The following USP47 variants were observed in gnomAD, a reference collection of about 807,000 sequenced individuals.
USP47 encodes ubiquitin specific peptidase 47, also known as ubiquitin carboxyl-terminal hydrolase 47.
USP47 carries 35 observed loss-of-function variants against 165.1 expected under a neutral mutation model. That is an observed-to-expected ratio of 0.21 (90% CI 0.16 to 0.28). The LOEUF is 0.28. Among genes scored for constraint, USP47 ranks in the 10% least tolerant of loss-of-function variants. The pLI is 1.00. For missense variants in USP47, 1,277 were observed against 1,607.4 expected (o/e 0.79, Z 3.52); for synonymous variants, 531 against 544.5 (o/e 0.98, Z 0.35).
chr11:11,921,633 TA>T (rs1162425030), intron 10 of USP47, among the ~76,000 whole-genome samples: 1 of 151,908 alleles, frequency 6.6e-6, no homozygotes, highest in African/African-American at 2.4e-5. Context: ...AGAGGAGACA[TA>T]ATCTTTGTAG....
At chr11:11,932,373 C>T (rs531794231) in intron 14 of USP47, among the ~76,000 whole-genome samples, 12 of 152,262 alleles carry the variant, frequency 7.9e-5, no homozygotes, top group African/African-American at 2.9e-4. Context: ...ATAATCATCA[C>T]TTTTTGTATT....
chr11:11,931,186 AAAAT>A (rs1854640642), intron 14 of USP47, among the ~76,000 whole-genome samples: 1 of 152,184 alleles, frequency 6.6e-6, no homozygotes, highest in African/African-American at 2.4e-5. Flanking sequence ...ATAATTAAAA[AAAAT>A]ATAATCACAA....
chr11:11,890,610 C>T (rs1210747063), intron 3 of USP47, among the ~76,000 whole-genome samples: 1 of 152,108 alleles, frequency 6.6e-6, no homozygotes, highest in Non-Finnish European at 1.5e-5. Flanking sequence ...GGTCATTCCT[C>T]AAAGACTTAG....
intron 11 of USP47, among the ~76,000 whole-genome samples, chr11:11,925,498 T>C (rs1302338569): frequency 6.6e-6 from 1 of 152,222 alleles, no homozygotes; most frequent in Non-Finnish European, 1.5e-5. Flanking sequence ...CTATTGTAAA[T>C]GGAATTGTTT....
chr11:11,897,491 A>T, intron 4 of USP47, 106 bp from the exon 5 acceptor site: 1 of 798,968 alleles, frequency 1.3e-6, no homozygotes, highest in Non-Finnish European at 2.0e-6. Flanking sequence ...CCAAATGAGT[A>T]GTAACTTTAA....
chr11:11,932,776 A>G (rs1390743829), intron 14 of USP47, among the ~76,000 whole-genome samples: 1 of 152,188 alleles, frequency 6.6e-6, no homozygotes, highest in African/African-American at 2.4e-5. Flanking sequence ...CATTTTGAAT[A>G]AATACATGGC....
rs2134304892 is a variant in USP47 at position 11,880,378 on chromosome 11, A to G, written c.241A>G (p.Met81Val). 3 of 1,308,186 alleles carry G rather than the reference A, an allele frequency of 2.3e-6. No individual in the cohort carries two copies. In the East Asian group the frequency reaches 9.2e-5, roughly 40 times the overall value. The allele number at this position is 1,308,186 out of a possible 1,614,324, so 81.0% of individuals were successfully genotyped here. The change falls in exon 2 of 28, where the codon ATG (methionine) becomes GTG (valine). Residue 81 changes from methionine to valine, a missense_variant and splice_region_variant. Around this residue, in one of 4 missense-constraint regions of USP47, gnomAD observed 181 missense variants for 194.7 expected, o/e 0.93. Coordinates refer to ENST00000527733, the MANE Select transcript of USP47 (RefSeq NM_001282659.2). ...VWGNGINTAD[M>V]APLDHTSDKS... The stretch of plus-strand genomic sequence containing the variant: ...GGGAAATGGAATCAATACTGCTGAT[A>G]TGGTAAAATCCTAGACTTAAGCTTC...
chr11:11,888,052 G>A (rs1158691464), intron 3 of USP47, among the ~76,000 whole-genome samples: 3 of 152,110 alleles, frequency 2.0e-5, no homozygotes, highest in Non-Finnish European at 4.4e-5. Flanking sequence ...TTTCTGGGAT[G>A]CAGCTAAAGC....
At chr11:11,946,955 G>T (rs61871870) in intron 20 of USP47, among the ~76,000 whole-genome samples, 2,547 of 152,282 alleles carry the variant, frequency 0.017, 33 homozygotes, top group Middle Eastern at 0.034. Context: ...TATGACATGG[G>T]AATGTTGGTT....
At chr11:11,880,858 A>G (rs541625164) in intron 2 of USP47, among the ~76,000 whole-genome samples, 18 of 152,196 alleles carry the variant, frequency 1.2e-4, no homozygotes, top group African/African-American at 3.8e-4. Context: ...TTGTGTGTCT[A>G]TGTGCATTTC....
chr11:11,880,112 G>T (rs1850733853), intron 1 of USP47, 65 bp from the exon 2 acceptor site: 2 of 1,103,012 alleles, frequency 1.8e-6, no homozygotes, highest in South Asian at 1.8e-5. Flanking sequence ...AAATTTTATA[G>T]CTAATTATAC....
chr11:11,940,321 CT>C, intron 18 of USP47, 107 bp from the exon 19 acceptor site: 1 of 1,157,494 alleles, frequency 8.6e-7, no homozygotes, highest in Non-Finnish European at 1.2e-6. Context: ...TTATGTTTCT[CT>C]CTGCTGCTTT....
chr11:11,872,411 G>A (rs1303451879), intron 1 of USP47, among the ~76,000 whole-genome samples: 1 of 152,140 alleles, frequency 6.6e-6, no homozygotes, highest in Non-Finnish European at 1.5e-5. Flanking sequence ...AAAGGGGACT[G>A]GAATTAGCCT....
intron 1 of USP47, among the ~76,000 whole-genome samples, chr11:11,876,425 T>G (rs1198132909): frequency 2.0e-5 from 3 of 152,096 alleles, no homozygotes; most frequent in Non-Finnish European, 4.4e-5. Context: ...TGCTCGAAGG[T>G]GTTTAGCTAT....
At chr11:11,933,253 A>C in intron 15 of USP47, 137 bp downstream of exon 15, 1 of 735,820 alleles carries the variant, frequency 1.4e-6, no homozygotes, top group Non-Finnish European at 2.3e-6. Flanking sequence ...AACCAACTAT[A>C]CTATAAAGGT....
At chr11:11,892,818 T>TAAA (rs778720093) in intron 4 of USP47, among the ~76,000 whole-genome samples, 23 of 80,128 alleles carry the variant, frequency 2.9e-4, no homozygotes, top group African/African-American at 9.9e-4. Flanking sequence ...CTGTCTCAAG[T>TAAA]AAAAAAAAAA....
chr11:11,922,361 A>G (rs1395202526), intron 10 of USP47, among the ~76,000 whole-genome samples: 1 of 151,948 alleles, frequency 6.6e-6, no homozygotes, highest in Middle Eastern at 3.2e-3. Flanking sequence ...CTGATTTGAG[A>G]ACACCAGAAG....
chr11:11,929,442 G>T lies in USP47; in HGVS notation c.1395G>T (p.Leu465Phe), dbSNP rs1266634840. 3 of 1,611,900 alleles carry T rather than the reference G, an allele frequency of 1.9e-6. No individual in the cohort carries two copies. In the African/African-American group the frequency reaches 4.0e-5, roughly 22 times the overall value. Residue 465 changes from leucine (L) to phenylalanine (F), a missense_variant, in exon 12 of 28, where the codon TTG becomes TTT. Transcript: ENST00000527733. Reference sequence around the variant, plus strand: ...TTATTTTTTCCCCTTAGAATTCCTTGATCTATGAACTTTTCTCTGTTATGG... The same window carrying T: ...TTATTTTTTCCCCTTAGAATTCCTTTATCTATGAACTTTTCTCTGTTATGG... ...ISKSGLEKNS[L>F]IYELFSVMVH...
intron 25 of USP47, among the ~76,000 whole-genome samples, chr11:11,954,291 C>T (rs1049873029): frequency 1.4e-4 from 22 of 151,920 alleles, no homozygotes; most frequent in African/African-American, 4.1e-4. Context: ...ATTTTTGAGA[C>T]GGAGTTTCAC....
Sources: allele counts gnomAD v4.1 joint callset (sites outside exome capture counted in the v4.1 genomes callset), GRCh38; gene constraint gnomAD v4.1.1; regional missense constraint gnomAD v4.1.1; transcripts MANE v1.5; gene names NCBI Gene and HGNC (gene_info 2026-07-23, HGNC 2026-07-21).